ZFYVE28: variants seen among roughly 807,000 people sequenced by gnomAD.
The protein encoded by ZFYVE28 is lateral signaling target protein 2 homolog.
ZFYVE28 carries 40 observed loss-of-function variants against 82.1 expected under a neutral mutation model. The observed-to-expected ratio is 0.49, with a 90% CI of 0.38 to 0.63. ZFYVE28 has a LOEUF of 0.63. Among genes scored for constraint, ZFYVE28 ranks in the 30% least tolerant of loss-of-function variants. The probability of loss-of-function intolerance (pLI) is 0.00; values close to 1 mark genes in which losing one functional copy is unlikely to be tolerated. For missense variants in ZFYVE28, 1,321 were observed against 1,242.1 expected (o/e 1.06, Z -0.96); for synonymous variants, 612 against 546.1 (o/e 1.12, Z -1.68).
At position 2,341,983 on chromosome 4, in the gene ZFYVE28, G is replaced by A. The variant is rs1402603347; in HGVS notation, c.181-368C>T. 2.0e-5 allele frequency among the ~76,000 whole-genome samples: 3 copies of A among 152,212 alleles called. No individual in the cohort carries two copies. The highest frequency in any genetic ancestry group is 2.1e-4 in the South Asian group (1 of 4,834). On this transcript the variant is annotated intron_variant, in intron 2 of 12. Transcript: ENST00000290974. The surrounding 1 kb of genome is among the most constrained non-coding windows in gnomAD (Gnocchi z 4.5). ...TGCAGTGAGCCGAGATGGTGCCATC[G>A]CACTCCAGCCAGGGCAATAAAGAGC...
At chr4:2,292,822 T>A (rs1280856744) in intron 8 of ZFYVE28, among the ~76,000 whole-genome samples, 2 of 152,172 alleles carry the variant, frequency 1.3e-5, no homozygotes, top group African/African-American at 2.4e-5. Flanking sequence ...GCCATGCTCC[T>A]GCACCAGAAA....
At position 2,341,669 on chromosome 4, in the gene ZFYVE28, G is replaced by A. The variant is rs1560241767; in HGVS notation, c.181-54C>T. 9.5e-6 allele frequency: 15 copies of A among 1,580,206 alleles called. No homozygotes were observed. The highest frequency in any genetic ancestry group is 1.7e-4 in the Middle Eastern group (1 of 5,960). The stretch of plus-strand genomic sequence containing the variant: ...CAATCGCTGTGTCCAGCTGGCGGCC[G>A]CCATGTACTGCTGGAAAACACGCAC... On this transcript the variant is annotated intron_variant, in intron 2 of 12. Transcript: ENST00000290974. This position sits in a 1 kb window ranked among gnomAD's most constrained non-coding sequence, Gnocchi z 4.5.
intron 1 of ZFYVE28, among the ~76,000 whole-genome samples, chr4:2,375,204 G>A (rs997906664): frequency 2.0e-5 from 3 of 152,144 alleles, no homozygotes; most frequent in Admixed American, 6.5e-5. Context: ...GCTTTTCCCC[G>A]CAGCCTCGGG....
chr4:2,283,375 TCATCCATCCACCCATCCACTCATGCACC>T (rs1712230410), intron 8 of ZFYVE28, among the ~76,000 whole-genome samples: 2 of 67,408 alleles, frequency 3.0e-5, no homozygotes, highest in Non-Finnish European at 5.3e-5. Flanking sequence ...ATCCATCCAA[TCATCCATCCACCCATCCACTCATGCACC>T]CACCCATCCA....
At chr4:2,308,725 AAAAAG>A (rs1426134725) in intron 7 of ZFYVE28, among the ~76,000 whole-genome samples, 1 of 150,596 alleles carries the variant, frequency 6.6e-6, no homozygotes, top group Non-Finnish European at 1.5e-5. Context: ...AAAAGAAAGA[AAAAAG>A]AAAAGAAAGG....
chr4:2,359,731 G>A (rs1725848682), intron 1 of ZFYVE28, among the ~76,000 whole-genome samples: 2 of 152,194 alleles, frequency 1.3e-5, no homozygotes, highest in African/African-American at 4.8e-5. Flanking sequence ...GACCTGTGTG[G>A]AAGGCCCAGA....
intron 1 of ZFYVE28, among the ~76,000 whole-genome samples, chr4:2,381,760 G>A (rs1217542849): frequency 6.6e-6 from 1 of 152,256 alleles, no homozygotes; most frequent in Non-Finnish European, 1.5e-5. Flanking sequence ...ATTCAAGCCA[G>A]CTGCAGAAAT....
chr4:2,395,273 G>A (rs773962772), intron 1 of ZFYVE28, among the ~76,000 whole-genome samples: 41 of 120,368 alleles, frequency 3.4e-4, no homozygotes, highest in Non-Finnish European at 6.8e-4. Context: ...TTCTTTACTC[G>A]ACTAATAAGA....
At chr4:2,319,878 G>A (rs920499673) in intron 7 of ZFYVE28, among the ~76,000 whole-genome samples, 2 of 152,200 alleles carry the variant, frequency 1.3e-5, no homozygotes, top group African/African-American at 2.4e-5. Context: ...GGAATGGTGG[G>A]GACAGCAGGA....
chr4:2,347,965 T>C (rs1270043284), intron 2 of ZFYVE28, among the ~76,000 whole-genome samples: 2 of 151,796 alleles, frequency 1.3e-5, no homozygotes, highest in Non-Finnish European at 2.9e-5. Context: ...ATAGCAACAA[T>C]CAGAGCAGAA....
At position 2,416,576 on chromosome 4, in the gene ZFYVE28, A is replaced by C. The variant is rs1056869070; in HGVS notation, c.39+1709T>G. 6.6e-6 allele frequency among the ~76,000 whole-genome samples: 1 copy of C among 152,220 alleles called. No individual in the cohort carries two copies. The highest frequency in any genetic ancestry group is 1.5e-5 in the Non-Finnish European group (1 of 68,036). On this transcript the variant is annotated intron_variant, in intron 1 of 12. Transcript: ENST00000290974. This position sits in a 1 kb window ranked among gnomAD's most constrained non-coding sequence, Gnocchi z 4.6. ...GGAACCAAACACCATTCATACAGCT[A>C]TCCAGAGCGGAGGCCACCGCCCTAC... is the stretch of plus-strand genomic sequence containing the variant.
Position 2,354,065 on chromosome 4 carries a change from A to C in ZFYVE28, c.48T>G (p.Asp16Glu). 1 of 1,562,618 alleles carries C rather than the reference A, an allele frequency of 6.4e-7. No individual in the cohort carries two copies. The highest frequency in any genetic ancestry group is 8.7e-7 in the Non-Finnish European group (1 of 1,154,046). The change falls in exon 2 of 13, where the codon GAT becomes GAG. Residue 16 changes from aspartate to glutamate, a missense_variant. Around this residue, in one of 2 missense-constraint regions of ZFYVE28, gnomAD observed 343 missense variants for 408.4 expected, o/e 0.84. Coordinates refer to ENST00000290974, the MANE Select transcript of ZFYVE28 (RefSeq NM_020972.3). ...AGTAGAACCGGGCAAGCAGCTGCGG[A>C]TCCGACCTCTGCAGGAGAGAGGGGC... The part of the protein sequence containing the change: ...RKWLYKPKRS[D>E]PQLLARFYYA...
At chr4:2,289,586 C>G (rs560863411) in intron 8 of ZFYVE28, among the ~76,000 whole-genome samples, 1 of 152,294 alleles carries the variant, frequency 6.6e-6, no homozygotes, top group South Asian at 2.1e-4. Context: ...CAGCCCCACA[C>G]TGTCAGCAGC....
Position 2,320,924 on chromosome 4 carries a change from C to G in ZFYVE28, c.702-653G>C, listed in dbSNP as rs1201608850. 6.6e-6 allele frequency among the ~76,000 whole-genome samples: 1 copy of G among 152,176 alleles called. No individual in the cohort carries two copies. The highest frequency in any genetic ancestry group is 1.5e-5 in the Non-Finnish European group (1 of 68,032). On this transcript the variant is annotated intron_variant, in intron 6 of 12. Transcript: ENST00000290974. The surrounding 1 kb of genome is among the most constrained non-coding windows in gnomAD (Gnocchi z 5.1). ...CCCTCCCCCAGAGTCCGGCTCAAAGCCTGCTGAAGGACAAGCTTCCCAGAT... is the reference window on the plus strand; with the variant it reads ...CCCTCCCCCAGAGTCCGGCTCAAAGGCTGCTGAAGGACAAGCTTCCCAGAT...
At chr4:2,351,044 G>A (rs1458801972) in intron 2 of ZFYVE28, among the ~76,000 whole-genome samples, 2 of 152,228 alleles carry the variant, frequency 1.3e-5, no homozygotes, top group African/African-American at 4.8e-5. Context: ...AGGGGGTCAT[G>A]GGAGCCCCGA....
chr4:2,415,693 G>A (rs1448806738), intron 1 of ZFYVE28, among the ~76,000 whole-genome samples: 1 of 152,088 alleles, frequency 6.6e-6, no homozygotes, highest in Non-Finnish European at 1.5e-5. Context: ...CTGACTTTGT[G>A]CTTATTTGTG....
Position 2,304,656 on chromosome 4 carries a change from G to A in ZFYVE28, c.1684C>T (p.His562Tyr), listed in dbSNP as rs535273084. ...LSTGATNCLL[H>Y]SCVCCGSCGD... is the part of the protein sequence containing the mutation. ...CAGCTCCCACAGCACACGCAGGAAT[G>A]CAGAAGGCAGTTGGTGGCCCCAGTG... is the stretch of plus-strand genomic sequence containing the variant. The change falls in exon 8 of 13, where the codon CAT becomes TAT. Residue 562 changes from histidine to tyrosine, a missense_variant. Physicochemically the swap from His to Tyr is moderately conservative, Grantham distance 83 (BLOSUM62 2). Coordinates refer to ENST00000290974, the MANE Select transcript of ZFYVE28 (RefSeq NM_020972.3). The A allele has an allele frequency of 5.0e-6, 8 of 1,612,662 alleles. No homozygotes were observed. Among genetic ancestry groups the A allele is most frequent in the Non-Finnish European group, 5.9e-6 (7 of 1,179,896 alleles).
chr4:2,334,496 G>T (rs558730964), intron 6 of ZFYVE28, among the ~76,000 whole-genome samples: 1 of 151,912 alleles, frequency 6.6e-6, no homozygotes, highest in East Asian at 1.9e-4. Context: ...CACGGGAGGG[G>T]TATCCATGCT....
chr4:2,368,693 A>G (rs1727180335), intron 1 of ZFYVE28, among the ~76,000 whole-genome samples: 1 of 152,254 alleles, frequency 6.6e-6, no homozygotes, highest in Non-Finnish European at 1.5e-5. Flanking sequence ...GTGGATGGAC[A>G]GACCACATTT....
Sources: allele counts gnomAD v4.1 joint callset (sites outside exome capture counted in the v4.1 genomes callset), GRCh38; gene constraint gnomAD v4.1.1; regional missense constraint gnomAD v4.1.1; non-coding constraint Gnocchi (gnomAD v3.1); transcripts MANE v1.5; gene names NCBI Gene and HGNC (gene_info 2026-07-23, HGNC 2026-07-21).